HTT: variants seen among roughly 807,000 people sequenced by gnomAD.
The protein encoded by HTT is huntington disease protein.
HTT carries 104 observed loss-of-function variants against 362.3 expected under a neutral mutation model. The ratio of observed to expected loss-of-function variants is 0.29; its 90% CI spans 0.24 to 0.34. The LOEUF (loss-of-function observed/expected upper bound fraction) is 0.34, where lower values mean the gene tolerates loss of function less well. Ranked by LOEUF, HTT falls within the 10% of genes least tolerant of loss-of-function variation. The pLI is 1.00. For missense variants in HTT, 3,301 were observed against 3,928.6 expected (o/e 0.84, Z 4.27); for synonymous variants, 1,577 against 1,548.7 (o/e 1.02, Z -0.43).
chr4:3,085,236 C>G (rs1267101499), intron 1 of HTT, among the ~76,000 whole-genome samples: 1 of 151,850 alleles, frequency 6.6e-6, no homozygotes, highest in African/African-American at 2.4e-5. Flanking sequence ...CTCCTGGGTT[C>G]AAGCAGTTCT....
chr4:3,074,927 G>GC lies in HTT; in HGVS notation c.103dup (p.Gln35ProfsTer48). 1 of 1,278,518 alleles carries GC rather than the reference G, an allele frequency of 7.8e-7. No individual in the cohort carries two copies. Among genetic ancestry groups the GC allele is most frequent in the Non-Finnish European group, 1.0e-6 (1 of 974,898 alleles). The allele number at this position is 1,278,518 out of a possible 1,614,324, so 79.2% of individuals were successfully genotyped here. The stretch of plus-strand genomic sequence containing the variant: ...AGCAGCAGCAGCAGCAGCAGCAGCA[G>GC]CAGCAGCAACAGCCGCCACCGCCGC... On this transcript the variant is annotated frameshift_variant, in exon 1 of 67. Coordinates refer to ENST00000355072, the MANE Select transcript of HTT (RefSeq NM_001388492.1). LOFTEE classifies it high-confidence loss of function.
intron 21 of HTT, among the ~76,000 whole-genome samples, chr4:3,137,630 C>T (rs1456506269): frequency 3.9e-5 from 6 of 152,154 alleles, no homozygotes; most frequent in African/African-American, 1.4e-4. Context: ...ACCTGGGAGG[C>T]GGAGGTTGCA....
intron 45 of HTT, 53 bp from the exon 46 acceptor site, chr4:3,208,719 TA>T (rs768955373): frequency 0.16 from 180,190 of 1,120,534 alleles, no homozygotes; most frequent in East Asian, 0.21. Flanking sequence ...AGACTAAGAC[TA>T]AAAAAAAAAA....
intron 1 of HTT, among the ~76,000 whole-genome samples, chr4:3,086,344 C>T (rs1713206218): frequency 6.6e-6 from 1 of 152,096 alleles, no homozygotes; most frequent in Non-Finnish European, 1.5e-5. Context: ...TTGGGCATGT[C>T]ATGGTTGGCA....
chr4:3,156,506 A>G (rs568027424), intron 27 of HTT, among the ~76,000 whole-genome samples: 2 of 152,356 alleles, frequency 1.3e-5, no homozygotes, highest in East Asian at 3.9e-4. Flanking sequence ...AGCCTTTACA[A>G]GTGTAAAATT....
At position 3,206,646 on chromosome 4, in the gene HTT, A is replaced by C; in HGVS notation, c.5869A>C (p.Ile1957Leu). The change falls in exon 43 of 67, where the codon ATT (isoleucine) becomes CTT (leucine). Residue 1957 changes from isoleucine to leucine, a missense_variant. Physicochemically the swap from Ile to Leu is conservative, Grantham distance 5. Transcript: ENST00000355072. This position sits in a 1 kb window ranked among gnomAD's most constrained non-coding sequence, Gnocchi z 4.6. ...SAASGLFIQAIQSRCENLSTP... is the reference protein window; with the variant it reads ...SAASGLFIQALQSRCENLSTP... ...TGCCAGCGGCCTGTTCATCCAGGCA[A>C]TTCAGTCTCGTTGTGAAAACCTTTC... 6.2e-7 allele frequency: 1 copy of C among 1,614,206 alleles called. No homozygotes were observed. The highest frequency in any genetic ancestry group is 8.5e-7 in the Non-Finnish European group (1 of 1,180,042).
chr4:3,098,610 G>A (rs1713989983), intron 2 of HTT, among the ~76,000 whole-genome samples: 1 of 152,186 alleles, frequency 6.6e-6, no homozygotes, highest in Non-Finnish European at 1.5e-5. Context: ...GGCCTAAACA[G>A]CTTCTTTCAA....
chr4:3,140,568 G>C lies in HTT; in HGVS notation c.2857G>C (p.Val953Leu), dbSNP rs370523524. ...DQGQADPVVA[V>L]ARDQSSVYLK... ...AGGACAAGCTGATCCAGTAGTGGCC[G>C]TGGCAAGAGATCAAAGCAGTGTTTA... is the stretch of plus-strand genomic sequence containing the variant. The change falls in exon 22 of 67, where the codon GTG (valine) becomes CTG (leucine). Residue 953 changes from valine (V) to leucine (L), a missense_variant. By Grantham distance (32) the Val-to-Leu change is conservative (BLOSUM62 1). Transcript: ENST00000355072. 6.8e-6 allele frequency: 11 copies of C among 1,613,848 alleles called. No individual in the cohort carries two copies. In the East Asian group the frequency reaches 2.5e-4, roughly 36 times the overall value.
intron 4 of HTT, among the ~76,000 whole-genome samples, chr4:3,104,586 C>T (rs1174065499): frequency 6.6e-6 from 1 of 151,902 alleles, no homozygotes; most frequent in African/African-American, 2.4e-5. Flanking sequence ...CCAGCCTGAG[C>T]GACAGAGTGA....
intron 27 of HTT, among the ~76,000 whole-genome samples, chr4:3,156,788 G>T (rs1717171137): frequency 6.6e-6 from 1 of 152,178 alleles, no homozygotes; most frequent in African/African-American, 2.4e-5. Flanking sequence ...TGAATCAGCT[G>T]CTCCTATGAT....
intron 2 of HTT, among the ~76,000 whole-genome samples, chr4:3,094,607 G>T (rs1457265629): frequency 6.9e-6 from 1 of 144,818 alleles, no homozygotes; most frequent in East Asian, 2.0e-4. Flanking sequence ...TCCCGGACGG[G>T]GCGGCTGGCC....
At position 3,240,174 on chromosome 4, in the gene HTT, G is replaced by T; in HGVS notation, c.*115G>T. On this transcript the variant is annotated 3_prime_UTR_variant, in exon 67 of 67. Transcript: ENST00000355072. ...TTGGTCCCTATGGGCTTCCGCACAT[G>T]CCGCGGGCGGCCAGGCAACGTGCGT... is the stretch of plus-strand genomic sequence containing the variant. 2.4e-6 allele frequency: 2 copies of T among 831,768 alleles called. No individual in the cohort carries two copies. Among genetic ancestry groups the T allele is most frequent in the East Asian group, 2.7e-5 (1 of 37,590 alleles). The allele number at this position is 831,768 out of a possible 1,614,324, so 51.5% of individuals were successfully genotyped here.
At chr4:3,232,944 G>A (rs1721329939) in intron 60 of HTT, among the ~76,000 whole-genome samples, 1 of 152,374 alleles carries the variant, frequency 6.6e-6, no homozygotes, top group African/African-American at 2.4e-5. Flanking sequence ...ACAAGCAGCT[G>A]AGCACAGGGA....
chr4:3,133,886 C>G (rs1284085098), intron 18 of HTT, among the ~76,000 whole-genome samples: 3 of 152,158 alleles, frequency 2.0e-5, no homozygotes, highest in African/African-American at 7.2e-5. Flanking sequence ...AATCTTGTGG[C>G]TAGCTGGGGG....
chr4:3,163,506 A>G (rs946876403), intron 29 of HTT, among the ~76,000 whole-genome samples: 2 of 152,206 alleles, frequency 1.3e-5, no homozygotes, highest in Middle Eastern at 3.2e-3. Flanking sequence ...GAATGGTACC[A>G]TCTCCTCTTT....
At chr4:3,212,971 T>C (rs1720234502) in intron 49 of HTT, 1 of 417,698 alleles carries the variant, frequency 2.4e-6, no homozygotes, top group Non-Finnish European at 4.3e-6. Flanking sequence ...GATCCTAATT[T>C]TAGAGACATG....
Position 3,215,118 on chromosome 4 carries a change from C to T in HTT, c.6961C>T (p.Gln2321Ter). ...TTCTGTTGTAATTTTAGTTGCAGTG[C>T]AGCCTGGAGAGCAGCTTCTTAGTCC... ...VHFILEAVAV[Q>*]PGEQLLSPER... Residue 2321 changes from glutamine (Q) to a stop codon, truncating the protein, a stop_gained, in exon 51 of 67, where the codon CAG (glutamine) becomes TAG (stop). Coordinates refer to ENST00000355072, the MANE Select transcript of HTT (RefSeq NM_001388492.1). LOFTEE classifies it high-confidence loss of function. 6.2e-7 allele frequency: 1 copy of T among 1,613,130 alleles called. No individual in the cohort carries two copies. The highest frequency in any genetic ancestry group is 8.5e-7 in the Non-Finnish European group (1 of 1,179,146).
At chr4:3,087,845 G>A (rs1448951450) in intron 2 of HTT, among the ~76,000 whole-genome samples, 2 of 152,116 alleles carry the variant, frequency 1.3e-5, no homozygotes, top group Non-Finnish European at 2.9e-5. Context: ...AACGTGTGGT[G>A]ATTCTTTTTT....
At chr4:3,219,236 C>CTAAT (rs1198749910) in intron 52 of HTT, among the ~76,000 whole-genome samples, 1 of 152,158 alleles carries the variant, frequency 6.6e-6, no homozygotes, top group Non-Finnish European at 1.5e-5. Context: ...ACTGTGGGTT[C>CTAAT]ATTAGCATCT....
Sources: allele counts gnomAD v4.1 joint callset (sites outside exome capture counted in the v4.1 genomes callset), GRCh38; gene constraint gnomAD v4.1.1; non-coding constraint Gnocchi (gnomAD v3.1); transcripts MANE v1.5; gene names NCBI Gene and HGNC (gene_info 2026-07-23, HGNC 2026-07-21).